Variants in FBRSL1 observed in about 807,000 individuals in gnomAD.
The protein encoded by FBRSL1 is fibrosin like 1, also known as fibrosin-1-like protein.
In FBRSL1, 51 loss-of-function variants were observed where a neutral mutation model predicts 89.6. That is an observed-to-expected ratio of 0.57 (90% CI 0.45 to 0.72). FBRSL1 has a LOEUF of 0.72. FBRSL1 is among the 30% of genes least tolerant of loss of function. The pLI is 0.00. For synonymous variants in FBRSL1, 779 were observed against 681.1 expected (o/e 1.14, Z -2.24); for missense variants, 1,618 against 1,451.8 (o/e 1.11, Z -1.86).
chr12:132,536,821 G>A (rs538018256), intron 4 of FBRSL1, among the ~76,000 whole-genome samples: 24 of 152,162 alleles, frequency 1.6e-4, no homozygotes, highest in East Asian at 5.8e-4. Context: ...ACATGCGTAC[G>A]TATAACTGCA....
chr12:132,532,119 A>G (rs761953785), intron 4 of FBRSL1, among the ~76,000 whole-genome samples: 1 of 152,190 alleles, frequency 6.6e-6, no homozygotes, highest in Non-Finnish European at 1.5e-5. Flanking sequence ...TCCCACACCC[A>G]TGCACAGAAT....
intron 4 of FBRSL1, 60 bp from the exon 5 acceptor site, chr12:132,547,943 C>T: frequency 1.9e-6 from 3 of 1,542,908 alleles, no homozygotes; most frequent in Non-Finnish European, 2.6e-6. Flanking sequence ...GCTGCCGTGC[C>T]CCGGGGGGTG....
intron 5 of FBRSL1, among the ~76,000 whole-genome samples, chr12:132,563,882 G>A (rs1162468808): frequency 6.7e-5 from 6 of 89,554 alleles, no homozygotes; most frequent in African/African-American, 4.5e-4. Flanking sequence ...ACTCACTCCC[G>A]TCGCCCCTGA....
At chr12:132,541,184 C>T (rs2037234657) in intron 4 of FBRSL1, among the ~76,000 whole-genome samples, 2 of 151,978 alleles carry the variant, frequency 1.3e-5, no homozygotes, top group Non-Finnish European at 2.9e-5. Context: ...CCACCACACC[C>T]CTACCCCGAG....
intron 2 of FBRSL1, among the ~76,000 whole-genome samples, chr12:132,514,915 C>T (rs1327259207): frequency 6.6e-6 from 1 of 152,218 alleles, no homozygotes; most frequent in Non-Finnish European, 1.5e-5. Flanking sequence ...AAAATTGTCA[C>T]ATCTTTTTTA....
chr12:132,548,554 C>A (rs1053225700), intron 5 of FBRSL1, among the ~76,000 whole-genome samples: 1 of 152,352 alleles, frequency 6.6e-6, no homozygotes, highest in East Asian at 1.9e-4. Flanking sequence ...GTGAACCCCC[C>A]GGGCAGCCCC....
At chr12:132,513,972 C>T (rs916587851) in intron 2 of FBRSL1, among the ~76,000 whole-genome samples, 1 of 152,274 alleles carries the variant, frequency 6.6e-6, no homozygotes, top group Non-Finnish European at 1.5e-5. Flanking sequence ...CCGAGGGCCC[C>T]GTCTCTCTGG....
chr12:132,569,995 G>T lies in FBRSL1; in HGVS notation c.761G>T (p.Arg254Leu). The T allele has an allele frequency of 6.7e-7, 1 of 1,501,646 alleles. No homozygotes were observed. Among genetic ancestry groups the T allele is most frequent in the Non-Finnish European group, 8.8e-7 (1 of 1,132,414 alleles). The allele number at this position is 1,501,646 out of a possible 1,614,324, so 93.0% of individuals were successfully genotyped here. Residue 254 changes from arginine to leucine, a missense_variant, in exon 7 of 19, where the codon CGC becomes CTC. Transcript: ENST00000680143. ...VPKVSGLERS[R>L]ELSAESFLPT... ...AAGGTGTCAGGCCTGGAGCGCAGCC[G>T]CGAGCTCAGCGCCGAGAGCTTCCTG...
chr12:132,566,934 C>T (rs370167398), intron 5 of FBRSL1, among the ~76,000 whole-genome samples: 15 of 152,124 alleles, frequency 9.9e-5, no homozygotes, highest in African/African-American at 2.9e-4. Flanking sequence ...TCAGCCGGCC[C>T]GGGAGCATAG....
In FBRSL1 at chr12:132,583,973, T is replaced by C. The variant is rs2040977291; in HGVS notation, c.*195T>C. ...TTTTCCGAGTTTGGGATTCGGCTGT[T>C]GGGAAAAAAAAATCGCGTTTGTACC... On this transcript the variant is annotated 3_prime_UTR_variant, in exon 19 of 19. Transcript: ENST00000680143. 7.1e-6 allele frequency: 2 copies of C among 282,600 alleles called. No homozygotes were observed. Among genetic ancestry groups the C allele is most frequent in the Non-Finnish European group, 1.3e-5 (2 of 152,120 alleles). 17.5% of individuals were successfully genotyped at this position (282,600 alleles called of 1,614,324 possible).
At chr12:132,520,719 C>T (rs979902872) in intron 2 of FBRSL1, among the ~76,000 whole-genome samples, 1 of 151,554 alleles carries the variant, frequency 6.6e-6, no homozygotes, top group African/African-American at 2.4e-5. Flanking sequence ...GCCCCAGAGT[C>T]GGGCTCTGCT....
At chr12:132,504,330 G>C (rs1181785188) in intron 1 of FBRSL1, among the ~76,000 whole-genome samples, 2 of 152,208 alleles carry the variant, frequency 1.3e-5, no homozygotes, top group East Asian at 3.8e-4. Context: ...AATGTTATTG[G>C]TGCTGTATGG....
chr12:132,513,627 T>C (rs1031337638), intron 2 of FBRSL1, among the ~76,000 whole-genome samples: 24 of 151,888 alleles, frequency 1.6e-4, no homozygotes, highest in Middle Eastern at 3.4e-3. Context: ...GCAGAAGGGG[T>C]TATGGGGAGG....
intron 5 of FBRSL1, chr12:132,565,881 G>A (rs2039576152): frequency 1.3e-5 from 2 of 152,262 alleles, no homozygotes; most frequent in South Asian, 4.1e-4. Context: ...CGGCTCTGTA[G>A]AGACAGACAG....
At chr12:132,564,527 G>A (rs111906093) in intron 5 of FBRSL1, among the ~76,000 whole-genome samples, 54,784 of 111,722 alleles carry the variant, frequency 0.49, 12,027 homozygotes, top group East Asian at 0.84. Flanking sequence ...ACGGAGTCTC[G>A]CTCTGTCGCC....
At chr12:132,513,411 A>T (rs1021964003) in intron 2 of FBRSL1, among the ~76,000 whole-genome samples, 1 of 151,568 alleles carries the variant, frequency 6.6e-6, no homozygotes, top group African/African-American at 2.4e-5. Flanking sequence ...TTGAGGATGG[A>T]GGTGTCTTCC....
Position 132,577,270 on chromosome 12 carries a change from G to A in FBRSL1, c.1834+339G>A, listed in dbSNP as rs371409444. Among the ~76,000 whole-genome samples, 94 of 152,176 alleles carry A rather than the reference G, an allele frequency of 6.2e-4. 2 individuals are homozygous for A. In the East Asian group the frequency reaches 0.017, roughly 28 times the overall value. ...CACGGCTCTGAGGCGGCTGGTCCTGGCCACCCCTCCTCCCTGGGGCTCCCT... is the reference window on the plus strand; with the variant it reads ...CACGGCTCTGAGGCGGCTGGTCCTGACCACCCCTCCTCCCTGGGGCTCCCT... On this transcript the variant is annotated intron_variant, in intron 15 of 18. Coordinates refer to ENST00000680143, the MANE Select transcript of FBRSL1 (RefSeq NM_001367871.1).
At chr12:132,568,494 C>T (rs1051478711) in intron 6 of FBRSL1, among the ~76,000 whole-genome samples, 2 of 152,272 alleles carry the variant, frequency 1.3e-5, no homozygotes, top group Non-Finnish European at 2.9e-5. Flanking sequence ...GCTTCGCAGA[C>T]GGTGTCACGC....
At chr12:132,500,164 C>T (rs1031068152) in intron 1 of FBRSL1, among the ~76,000 whole-genome samples, 3 of 152,198 alleles carry the variant, frequency 2.0e-5, no homozygotes, top group Admixed American at 6.5e-5. Context: ...AGCCGCACGC[C>T]GTGACCCTGC....
Sources: gnomAD v4.1 joint callset for allele counts (sites outside exome capture counted in the v4.1 genomes callset) on GRCh38, gnomAD v4.1.1 for gene constraint, MANE v1.5 for transcripts, NCBI Gene and HGNC (gene_info 2026-07-23, HGNC 2026-07-21) for gene names.